The following PCDH15 variants were observed in gnomAD, a reference collection of about 807,000 sequenced individuals.
PCDH15 encodes the protein protocadherin-15.
PCDH15 carries 129 observed loss-of-function variants against 178.5 expected under a neutral mutation model. That is an observed-to-expected ratio of 0.72 (90% CI 0.63 to 0.84). PCDH15 has a LOEUF of 0.84. PCDH15 is among the 40% of genes least tolerant of loss of function. The probability of loss-of-function intolerance (pLI) is 0.00; values close to 1 mark genes in which losing one functional copy is unlikely to be tolerated. For missense variants in PCDH15, 2,230 were observed against 2,099.9 expected (o/e 1.06, Z -1.21); for synonymous variants, 800 against 732.0 (o/e 1.09, Z -1.50).
intron 8 of PCDH15, among the ~76,000 whole-genome samples, chr10:54,309,980 T>C (rs1448633619): frequency 6.6e-6 from 1 of 152,194 alleles, no homozygotes; most frequent in East Asian, 1.9e-4. Context: ...AAAGAGAAAC[T>C]ATTAGTTTTG....
intron 2 of PCDH15, among the ~76,000 whole-genome samples, chr10:55,065,086 G>A (rs2132004124): frequency 6.6e-6 from 1 of 152,160 alleles, no homozygotes; most frequent in African/African-American, 2.4e-5. Context: ...AATAGGACTT[G>A]TCTACAGATG....
At chr10:55,058,434 T>G (rs985068753) in intron 2 of PCDH15, among the ~76,000 whole-genome samples, 1 of 152,098 alleles carries the variant, frequency 6.6e-6, no homozygotes, top group African/African-American at 2.4e-5. Flanking sequence ...GTTCTCAAAC[T>G]CCTGAGTTGA....
intron 1 of PCDH15, among the ~76,000 whole-genome samples, chr10:54,687,226 C>T (rs2095028697): frequency 2.6e-5 from 4 of 152,012 alleles, no homozygotes; most frequent in Admixed American, 2.6e-4. Context: ...ATGGTGCAGC[C>T]ACTATAGAAA....
chr10:53,806,555 T>C lies in PCDH15; in HGVS notation c.*24A>G, dbSNP rs763861515. ...TATTAAAAATGTAAGTAAAAATTAA[T>C]TAAAATATCTTTTAAAAAATTGGTC... On this transcript the variant is annotated 3_prime_UTR_variant, in exon 38 of 38. Transcript: ENST00000644397. The C allele has an allele frequency of 2.0e-5, 30 of 1,514,830 alleles. No homozygotes were observed. Among genetic ancestry groups the C allele is most frequent in the Non-Finnish European group, 2.7e-5 (30 of 1,122,330 alleles). The allele number at this position is 1,514,830 out of a possible 1,614,324, so 93.8% of individuals were successfully genotyped here. A position where few individuals can be genotyped will look rare whatever the true frequency, so the allele number is the denominator to read the frequency against.
intron 1 of PCDH15, among the ~76,000 whole-genome samples, chr10:54,698,226 C>T (rs562849710): frequency 3.9e-5 from 6 of 152,070 alleles, no homozygotes; most frequent in South Asian, 2.1e-4. Flanking sequence ...AAGTTAAACA[C>T]GTTTGGATAT....
intron 2 of PCDH15, among the ~76,000 whole-genome samples, chr10:55,035,698 T>C (rs1382978179): frequency 6.6e-6 from 1 of 152,170 alleles, no homozygotes; most frequent in African/African-American, 2.4e-5. Context: ...GAGGTATGGA[T>C]AATTATGCAA....
At chr10:53,985,123 C>G (rs1398381728) in intron 21 of PCDH15, among the ~76,000 whole-genome samples, 1 of 152,076 alleles carries the variant, frequency 6.6e-6, no homozygotes, top group Non-Finnish European at 1.5e-5. Flanking sequence ...AAATATTGAT[C>G]TTTGCTATTG....
rs3847443 is a variant in PCDH15, at chr10:54,824,887, T to A, written c.-29+72563A>T. On this transcript the variant is annotated intron_variant, in intron 3 of 5. Transcript: ENST00000458638. ...CTACTTCTTTTATTTTTTATTATTA[T>A]TATACTTTAAGTTTTAGGGTACATG... is the stretch of plus-strand genomic sequence containing the variant. Among the ~76,000 whole-genome samples, 337 of 152,240 alleles carry A rather than the reference T, an allele frequency of 2.2e-3. 2 individuals carry two copies. Among genetic ancestry groups the A allele is most frequent in the African/African-American group, 6.5e-3 (270 of 41,542 alleles).
At chr10:55,586,265 C>G (rs184726921) in intron 2 of PCDH15, among the ~76,000 whole-genome samples, 2 of 151,758 alleles carry the variant, frequency 1.3e-5, no homozygotes, top group South Asian at 4.2e-4. Flanking sequence ...TAACTTACTA[C>G]GAACCCCATA....
chr10:54,058,962 G>A (rs2093958716), intron 18 of PCDH15, among the ~76,000 whole-genome samples: 1 of 152,050 alleles, frequency 6.6e-6, no homozygotes, highest in African/African-American at 2.4e-5. Flanking sequence ...CCAAAATGCT[G>A]GGATTACAGG....
intron 2 of PCDH15, among the ~76,000 whole-genome samples, chr10:55,433,692 A>G (rs985027572): frequency 4.6e-5 from 7 of 152,162 alleles, no homozygotes; most frequent in African/African-American, 1.4e-4. Context: ...TTTATGATTT[A>G]TAATTTTTAT....
intron 1 of PCDH15, among the ~76,000 whole-genome samples, chr10:54,699,998 A>T (rs1932596): frequency 0.75 from 114,647 of 151,860 alleles, 44,451 homozygotes; most frequent in Middle Eastern, 0.88. Flanking sequence ...AAAATCCTTA[A>T]CCTCTCCATT....
chr10:55,021,218 T>G (rs778789784), intron 2 of PCDH15, among the ~76,000 whole-genome samples: 8 of 152,330 alleles, frequency 5.3e-5, no homozygotes, highest in Non-Finnish European at 1.2e-4. Flanking sequence ...ATCTTGTTAC[T>G]CTTCCACCAC....
chr10:54,447,384 G>T (rs1037014126), intron 3 of PCDH15, among the ~76,000 whole-genome samples: 4 of 151,154 alleles, frequency 2.6e-5, no homozygotes, highest in African/African-American at 9.8e-5. Context: ...CAACATCTCC[G>T]CAATTTCCCC....
intron 1 of PCDH15, among the ~76,000 whole-genome samples, chr10:55,181,661 T>C (rs990983253): frequency 6.6e-6 from 1 of 152,024 alleles, no homozygotes; most frequent in Non-Finnish European, 1.5e-5. Flanking sequence ...TGGAGGACCC[T>C]ACACCAATTC....
chr10:53,990,111 A>C (rs2091362708), intron 21 of PCDH15, among the ~76,000 whole-genome samples: 1 of 152,176 alleles, frequency 6.6e-6, no homozygotes, highest in African/African-American at 2.4e-5. Context: ...GTGACATTTT[A>C]ATAAAACACA....
chr10:54,282,147 G>A (rs2058738519), intron 8 of PCDH15, among the ~76,000 whole-genome samples: 2 of 152,052 alleles, frequency 1.3e-5, no homozygotes, highest in East Asian at 1.9e-4. Flanking sequence ...TATATGTGAC[G>A]ACAGCAGTGG....
chr10:54,134,173 A>G lies in PCDH15; in HGVS notation c.1785-1166T>C, dbSNP rs1032059808. ...ATTCTCCTGCCTCAGCCTCCCAAGTAGCTGGGATTACAGGCCTGTGTCAAA... is the reference window on the plus strand; with the variant it reads ...ATTCTCCTGCCTCAGCCTCCCAAGTGGCTGGGATTACAGGCCTGTGTCAAA... On this transcript the variant is annotated intron_variant, in intron 14 of 37. Transcript: ENST00000644397. Among the ~76,000 whole-genome samples the G allele has an allele frequency of 2.5e-4, 34 of 133,738 alleles. 3 individuals carry two copies. Among genetic ancestry groups the G allele is most frequent in the African/African-American group, 8.2e-4 (32 of 38,866 alleles). 87.7% of individuals were successfully genotyped at this position (133,738 alleles called of 152,430 possible). A position where few individuals can be genotyped will look rare whatever the true frequency, so the allele number is the denominator to read the frequency against.
intron 1 of PCDH15, among the ~76,000 whole-genome samples, chr10:54,775,462 T>A (rs768714464): frequency 6.6e-6 from 1 of 152,216 alleles, no homozygotes; most frequent in Admixed American, 6.5e-5. Context: ...TTATCTCCAA[T>A]ATTTATCATT....
Sources: allele counts gnomAD v4.1 joint callset (sites outside exome capture counted in the v4.1 genomes callset), GRCh38; gene constraint gnomAD v4.1.1; transcripts MANE v1.5; gene names NCBI Gene and HGNC (gene_info 2026-07-23, HGNC 2026-07-21).